Variants in MRTFA observed in about 807,000 individuals in gnomAD.
MRTFA encodes the protein myocardin-related transcription factor A.
A neutral mutation model predicts 83.5 loss-of-function variants in MRTFA; 20 were observed. That is an observed-to-expected ratio of 0.24 (90% confidence interval 0.17 to 0.35). The LOEUF is 0.35. Ranked by LOEUF, MRTFA falls within the 10% of genes least tolerant of loss-of-function variation. MRTFA has a pLI of 1.00. For synonymous variants in MRTFA, 659 were observed against 541.2 expected, an observed-to-expected ratio of 1.22 and a Z score of -3.02; for missense variants, 1,200 against 1,224.7, an observed-to-expected ratio of 0.98 and a Z score of 0.30.
rs145296066 is a variant in MRTFA at position 40,422,490 on chromosome 22, A to G, written c.927+1046T>C. Among the ~76,000 whole-genome samples, 670 of 152,352 alleles carry G rather than the reference A, an allele frequency of 4.4e-3. 7 individuals carry two copies. The highest frequency in any genetic ancestry group is 0.016 in the African/African-American group (645 of 41,586). ...TGAGAAGAGAATGCAGGTGCAGGAC[A>G]GGCACTAACTGATGAGGCAGCACCC... is the stretch of plus-strand genomic sequence containing the variant. On this transcript the variant is annotated intron_variant, in intron 9 of 14. Transcript: ENST00000355630.
chr22:40,602,873 G>A (rs961871682), intron 1 of MRTFA, among the ~76,000 whole-genome samples: 1 of 151,948 alleles, frequency 6.6e-6, no homozygotes, highest in Admixed American at 6.6e-5. Flanking sequence ...AGGTGATTAT[G>A]ATCATTTCTG....
At chr22:40,588,912 T>C (rs2056073044) in intron 2 of MRTFA, among the ~76,000 whole-genome samples, 1 of 151,796 alleles carries the variant, frequency 6.6e-6, no homozygotes, top group Admixed American at 6.6e-5. Context: ...AGTCCAGGAG[T>C]GCAAAGCTGC....
At chr22:40,531,895 A>T (rs1472250500) in intron 3 of MRTFA, among the ~76,000 whole-genome samples, 1 of 152,250 alleles carries the variant, frequency 6.6e-6, no homozygotes, top group African/African-American at 2.4e-5. Context: ...TATAGGAGAC[A>T]GGTACTGGAG....
In MRTFA at chr22:40,565,320, G is replaced by A. The variant is rs149282167; in HGVS notation, c.-21-12953C>T. 7.4e-3 allele frequency among the ~76,000 whole-genome samples: 1,125 copies of A among 152,270 alleles called. 14 individuals carry two copies. The highest frequency in any genetic ancestry group is 0.026 in the African/African-American group (1,082 of 41,562). On this transcript the variant is annotated intron_variant, in intron 2 of 14. Coordinates refer to ENST00000355630, the MANE Select transcript of MRTFA (RefSeq NM_020831.6). ...CCAGGACTTTGGGAGGCCAAGGCGG[G>A]AGGACCACTTGAGATCAGGAGTTCA... is the stretch of plus-strand genomic sequence containing the variant.
intron 2 of MRTFA, among the ~76,000 whole-genome samples, chr22:40,585,284 A>G (rs1602462805): frequency 6.6e-6 from 1 of 152,352 alleles, no homozygotes; most frequent in South Asian, 2.1e-4. Flanking sequence ...AAACTTTTTT[A>G]AAAATCACAT....
intron 14 of MRTFA, among the ~76,000 whole-genome samples, chr22:40,415,908 C>T (rs2052669786): frequency 6.6e-6 from 1 of 152,114 alleles, no homozygotes; most frequent in Admixed American, 6.5e-5. Context: ...CCTCCCGACC[C>T]CCAAGGCTGG....
In MRTFA at chr22:40,419,375, G is replaced by A. The variant is rs1321265150; in HGVS notation, c.1363C>T (p.Leu455=). The A allele has an allele frequency of 1.2e-6, 2 of 1,613,490 alleles. No homozygotes were observed. The highest frequency in any genetic ancestry group is 2.2e-5 in the South Asian group (2 of 91,088). The change falls in exon 12 of 15, where the codon CTG becomes TTG. Residue 455 remains leucine (L), a synonymous_variant. Coordinates refer to ENST00000355630, the MANE Select transcript of MRTFA (RefSeq NM_020831.6). ...GATCGCAACTTCAGCTCCTGCTTCA[G>A]CTCTGCCACCTGCAAGGCAGTCAAG...
intron 1 of MRTFA, among the ~76,000 whole-genome samples, chr22:40,610,559 A>C (rs2056375303): frequency 6.6e-6 from 1 of 152,126 alleles, no homozygotes; most frequent in Non-Finnish European, 1.5e-5. Flanking sequence ...TTTTCAGGGG[A>C]ATGTGCCAAG....
intron 1 of MRTFA, among the ~76,000 whole-genome samples, chr22:40,603,495 A>G (rs1014570733): frequency 1.1e-4 from 17 of 152,326 alleles, no homozygotes; most frequent in African/African-American, 4.1e-4. Flanking sequence ...AGCAATTACA[A>G]TAGAGTATAT....
intron 1 of MRTFA, among the ~76,000 whole-genome samples, chr22:40,619,873 G>C (rs908420319): frequency 1.5e-5 from 2 of 129,708 alleles, no homozygotes; most frequent in Non-Finnish European, 3.2e-5. Context: ...CTGGGCAACA[G>C]AGCGAAACTC....
In MRTFA at chr22:40,418,734, G is replaced by A. The variant is rs373182628; in HGVS notation, c.2004C>T (p.Pro668=). Residue 668 remains proline (P), a synonymous_variant, in exon 12 of 15, where the codon CCC becomes CCT. Coordinates refer to ENST00000355630, the MANE Select transcript of MRTFA (RefSeq NM_020831.6). ...GCTTCACGGGGGTGCCGAGGGGGGCGGGGGCGGGGGCGGGCTGCTGGGCTC... is the reference window on the plus strand; with the variant it reads ...GCTTCACGGGGGTGCCGAGGGGGGCAGGGGCGGGGGCGGGCTGCTGGGCTC... 3.9e-5 allele frequency: 57 copies of A among 1,469,182 alleles called. No individual in the cohort carries two copies. Among genetic ancestry groups the A allele is most frequent in the South Asian group, 1.6e-4 (12 of 74,862 alleles). The allele number at this position is 1,469,182 out of a possible 1,614,324, so 91.0% of individuals were successfully genotyped here.
At chr22:40,417,262 C>T (rs1283886637) in intron 13 of MRTFA, 79 bp downstream of exon 13, 36 of 1,542,482 alleles carry the variant, frequency 2.3e-5, no homozygotes, top group Middle Eastern at 2.3e-4. Flanking sequence ...CCTATTCCTC[C>T]GGGTGGGGCT....
intron 3 of MRTFA, among the ~76,000 whole-genome samples, chr22:40,518,985 T>TTGG (rs370853261): frequency 2.3e-4 from 35 of 151,468 alleles, no homozygotes; most frequent in African/African-American, 7.3e-4. Flanking sequence ...TTGGAGGCTT[T>TTGG]TGGTGGTGGT....
intron 2 of MRTFA, among the ~76,000 whole-genome samples, chr22:40,586,330 G>A (rs774276751): frequency 1.3e-5 from 2 of 150,060 alleles, no homozygotes; most frequent in Admixed American, 6.6e-5. Context: ...ACTGGAATGC[G>A]AAGCACAAAT....
chr22:40,475,531 C>T (rs1035363685), intron 3 of MRTFA, among the ~76,000 whole-genome samples: 4 of 151,144 alleles, frequency 2.6e-5, no homozygotes, highest in African/African-American at 7.3e-5. Flanking sequence ...TGCCAGACTC[C>T]GTCTGAAAAA....
At chr22:40,452,129 G>A (rs767820136) in intron 4 of MRTFA, among the ~76,000 whole-genome samples, 1 of 151,800 alleles carries the variant, frequency 6.6e-6, no homozygotes, top group African/African-American at 2.4e-5. Flanking sequence ...GACGACAGGC[G>A]CGTGCCATCA....
chr22:40,473,580 C>T (rs1226056631), intron 3 of MRTFA, among the ~76,000 whole-genome samples: 1 of 152,130 alleles, frequency 6.6e-6, no homozygotes, highest in Non-Finnish European at 1.5e-5. Context: ...TTTTCAGGCA[C>T]CAGTCCCAGA....
At chr22:40,414,021 T>C (rs752843269) in intron 14 of MRTFA, among the ~76,000 whole-genome samples, 19 of 152,294 alleles carry the variant, frequency 1.2e-4, no homozygotes, top group Non-Finnish European at 1.8e-4. Flanking sequence ...AGTTTAGTGA[T>C]TCCTCAAAAA....
chr22:40,558,124 T>C (rs2055557522), intron 2 of MRTFA, among the ~76,000 whole-genome samples: 2 of 151,062 alleles, frequency 1.3e-5, no homozygotes, highest in African/African-American at 4.9e-5. Flanking sequence ...CTCTCTCTGT[T>C]GCCCAGGCTA....
Sources: allele counts gnomAD v4.1 joint callset (sites outside exome capture counted in the v4.1 genomes callset), GRCh38; gene constraint gnomAD v4.1.1; transcripts MANE v1.5; gene names NCBI Gene and HGNC (gene_info 2026-07-23, HGNC 2026-07-21).